Variants in ACSS3 observed in about 807,000 individuals in gnomAD.
The protein encoded by ACSS3 is acyl-CoA synthetase short chain family member 3, also known as acyl-CoA synthetase short-chain family member 3, mitochondrial.
Under a neutral mutation model 84.2 loss-of-function variants are expected in ACSS3, and 64 were observed. That is an observed-to-expected ratio of 0.76 (90% CI 0.62 to 0.94). The LOEUF (loss-of-function observed/expected upper bound fraction) is 0.94, where lower values mean the gene tolerates loss of function less well. Ranked by LOEUF, ACSS3 falls within the 40% of genes least tolerant of loss-of-function variation. The pLI is 0.00. For missense variants in ACSS3, 815 were observed against 867.6 expected, an observed-to-expected ratio of 0.94 and a Z score of 0.76; for synonymous variants, 317 against 310.1, an observed-to-expected ratio of 1.02 and a Z score of -0.23.
At chr12:81,110,036 A>G (rs1883446261) in intron 2 of ACSS3, among the ~76,000 whole-genome samples, 1 of 152,182 alleles carries the variant, frequency 6.6e-6, no homozygotes, top group Admixed American at 6.5e-5. Flanking sequence ...GTACTATTGA[A>G]ACAGTCTTCT....
chr12:81,139,614 A>C (rs1223159336), intron 4 of ACSS3, among the ~76,000 whole-genome samples: 1 of 112,032 alleles, frequency 8.9e-6, no homozygotes, highest in African/African-American at 2.8e-5. Context: ...GAATATATAT[A>C]TATAAAATAA....
At position 81,243,663 on chromosome 12, in the gene ACSS3, T is replaced by C. The variant is rs2033886604; in HGVS notation, c.1720-9644T>C. ...CATGGTACTGGTACCAAAACAGAGATATAGATGAATGGAACAGAACAGAGC... is the reference window on the plus strand; with the variant it reads ...CATGGTACTGGTACCAAAACAGAGACATAGATGAATGGAACAGAACAGAGC... On this transcript the variant is annotated intron_variant, in intron 13 of 15. Coordinates refer to ENST00000548058, the MANE Select transcript of ACSS3 (RefSeq NM_024560.4). Among the ~76,000 whole-genome samples the C allele has an allele frequency of 5.3e-5, 8 of 152,220 alleles. No homozygotes were observed. The South Asian group carries it at 1.5e-3, about 28-fold the overall frequency.
At chr12:81,150,359 A>G (rs1886548782) in intron 5 of ACSS3, among the ~76,000 whole-genome samples, 1 of 152,238 alleles carries the variant, frequency 6.6e-6, no homozygotes, top group African/African-American at 2.4e-5. Context: ...TAAAATGAAT[A>G]GTTTTTATAA....
intron 13 of ACSS3, among the ~76,000 whole-genome samples, chr12:81,234,484 C>T (rs1483783133): frequency 6.6e-6 from 1 of 151,254 alleles, no homozygotes; most frequent in African/African-American, 2.4e-5. Flanking sequence ...AGAGTTTTCC[C>T]GTGTGACTGT....
At chr12:81,087,108 G>A (rs761030787) in intron 1 of ACSS3, among the ~76,000 whole-genome samples, 35 of 152,036 alleles carry the variant, frequency 2.3e-4, no homozygotes, top group Admixed American at 1.4e-3. Context: ...TTGGAAATAC[G>A]AGGATAGTAA....
At chr12:81,148,016 A>G (rs767713203) in intron 5 of ACSS3, among the ~76,000 whole-genome samples, 2 of 151,888 alleles carry the variant, frequency 1.3e-5, no homozygotes, top group Non-Finnish European at 2.9e-5. Flanking sequence ...GTAAATATAT[A>G]TATATATTTG....
intron 7 of ACSS3, among the ~76,000 whole-genome samples, chr12:81,168,927 C>T (rs1165521275): frequency 5.9e-5 from 9 of 152,100 alleles, no homozygotes; most frequent in East Asian, 1.9e-4. Flanking sequence ...TAATGTCTAT[C>T]GAAGGACCAT....
At chr12:81,231,188 T>C in intron 12 of ACSS3, 50 bp downstream of exon 12, 1 of 1,400,052 alleles carries the variant, frequency 7.1e-7, no homozygotes, top group Non-Finnish European at 9.8e-7. Context: ...TTTCTATAAT[T>C]CTTGCCTATT....
rs1469215124 is a variant in ACSS3, at chr12:81,175,033, A to G, written c.1250+94A>G. The G allele has an allele frequency of 4.4e-6, 6 of 1,349,282 alleles. No individual in the cohort carries two copies. In the Admixed American group the frequency reaches 9.8e-5, roughly 22 times the overall value. 83.6% of individuals were successfully genotyped at this position (1,349,282 alleles called of 1,614,324 possible). A position where few individuals can be genotyped will look rare whatever the true frequency, so the allele number is the denominator to read the frequency against. On this transcript the variant is annotated intron_variant, in intron 8 of 15. Transcript: ENST00000548058. ...TTTTTTCTGGTACTGGAATACTCTT[A>G]TAGGAAGAGCCAAAAGATTCAGAGT... is the stretch of plus-strand genomic sequence containing the variant.
chr12:81,236,545 TC>T (rs531050104), intron 13 of ACSS3, among the ~76,000 whole-genome samples: 298 of 151,540 alleles, frequency 2.0e-3, no homozygotes, highest in African/African-American at 6.9e-3. Flanking sequence ...CCTACTTAGT[TC>T]ATATGGACAG....
intron 7 of ACSS3, among the ~76,000 whole-genome samples, chr12:81,166,651 G>A (rs1474790536): frequency 1.3e-5 from 2 of 152,338 alleles, no homozygotes; most frequent in African/African-American, 2.4e-5. Context: ...GACAACTGAA[G>A]AGCACTTTGG....
intron 9 of ACSS3, among the ~76,000 whole-genome samples, chr12:81,211,544 T>C (rs1199885108): frequency 1.3e-5 from 2 of 152,206 alleles, no homozygotes; most frequent in East Asian, 3.9e-4. Flanking sequence ...CCCTAGTTTT[T>C]CTGTCAGTCT....
chr12:81,132,407 T>G lies in ACSS3; in HGVS notation c.457-2409T>G, dbSNP rs2574735. Among the ~76,000 whole-genome samples the G allele has an allele frequency of 3.3e-5, 5 of 151,868 alleles. No individual in the cohort carries two copies. In the East Asian group the frequency reaches 9.7e-4, roughly 30 times the overall value. On this transcript the variant is annotated intron_variant, in intron 2 of 15. Coordinates refer to ENST00000548058, the MANE Select transcript of ACSS3 (RefSeq NM_024560.4). Reference sequence around the variant, plus strand: ...TCCATTTCTTCTAGATTTTCTAGTTTATTTGCATAGAGGTGTTTATAGTAT... The same window carrying G: ...TCCATTTCTTCTAGATTTTCTAGTTGATTTGCATAGAGGTGTTTATAGTAT...
chr12:81,249,700 T>C (rs1462668303), intron 13 of ACSS3, among the ~76,000 whole-genome samples: 2 of 152,036 alleles, frequency 1.3e-5, no homozygotes, highest in African/African-American at 4.8e-5. Context: ...ACATGAATAT[T>C]GATGAGTATC....
At chr12:81,188,375 T>C (rs554256921) in intron 8 of ACSS3, among the ~76,000 whole-genome samples, 1 of 151,998 alleles carries the variant, frequency 6.6e-6, no homozygotes, top group South Asian at 2.1e-4. Flanking sequence ...TTTATTGAGG[T>C]ATATATACAG....
chr12:81,168,571 C>T (rs141578716), intron 7 of ACSS3, among the ~76,000 whole-genome samples: 105 of 152,254 alleles, frequency 6.9e-4, no homozygotes, highest in African/African-American at 1.8e-3. Context: ...CTGGGTAATA[C>T]ATAAAGAGCT....
At chr12:81,185,220 T>G (rs1315452780) in intron 8 of ACSS3, among the ~76,000 whole-genome samples, 1 of 151,718 alleles carries the variant, frequency 6.6e-6, no homozygotes, top group Non-Finnish European at 1.5e-5. Context: ...TAATAAAGAC[T>G]TTATGAAAAA....
intron 13 of ACSS3, among the ~76,000 whole-genome samples, chr12:81,237,723 G>C (rs2033672390): frequency 6.6e-6 from 1 of 151,632 alleles, no homozygotes; most frequent in Admixed American, 6.6e-5. Flanking sequence ...GATTTTCAAA[G>C]CTTTTGTCTA....
chr12:81,221,688 T>C (rs2135951479), intron 11 of ACSS3, among the ~76,000 whole-genome samples: 1 of 152,148 alleles, frequency 6.6e-6, no homozygotes, highest in East Asian at 1.9e-4. Context: ...CCAGAATCTG[T>C]GTTAACATAG....
Sources: gnomAD v4.1 joint callset for allele counts (sites outside exome capture counted in the v4.1 genomes callset) on GRCh38, gnomAD v4.1.1 for gene constraint, MANE v1.5 for transcripts, NCBI Gene and HGNC (gene_info 2026-07-23, HGNC 2026-07-21) for gene names.